Variants in PRKD2 observed in about 807,000 individuals in gnomAD.
The protein encoded by PRKD2 is protein kinase D2, also known as serine/threonine-protein kinase D2.
In PRKD2, 22 loss-of-function variants were observed where a neutral mutation model predicts 86.0. That is an observed-to-expected ratio of 0.26 (90% CI 0.18 to 0.37). The LOEUF (loss-of-function observed/expected upper bound fraction) is 0.37, where lower values mean the gene tolerates loss of function less well. Among genes scored for constraint, PRKD2 ranks in the 10% least tolerant of loss-of-function variants. The probability of loss-of-function intolerance (pLI) is 1.00; values close to 1 mark genes in which losing one functional copy is unlikely to be tolerated. For missense variants in PRKD2, 818 were observed against 1,199.2 expected (o/e 0.68, Z 4.70); for synonymous variants, 509 against 510.9 (o/e 1.00, Z 0.05).
At chr19:46,681,919 C>A (rs2053313875) in intron 14 of PRKD2, among the ~76,000 whole-genome samples, 171 bp from the exon 15 acceptor site, 2 of 151,568 alleles carry the variant, frequency 1.3e-5, no homozygotes, top group Non-Finnish European at 2.9e-5. Context: ...CAGCTCACTG[C>A]AACCCCTACC....
chr19:46,695,346 G>C (rs147304008), intron 9 of PRKD2, among the ~76,000 whole-genome samples: 2 of 152,218 alleles, frequency 1.3e-5, no homozygotes, highest in Non-Finnish European at 2.9e-5. Flanking sequence ...TTAGCCAGGC[G>C]TGGTGGCACA....
intron 1 of PRKD2, chr19:46,714,265 A>C: frequency 8.0e-7 from 1 of 1,244,838 alleles, no homozygotes; most frequent in Non-Finnish European, 1.0e-6. Flanking sequence ...TGGCTCCGGG[A>C]GCGTGGACAC....
chr19:46,704,705 C>G, intron 3 of PRKD2, 56 bp from the exon 4 acceptor site: 1 of 1,537,188 alleles, frequency 6.5e-7, no homozygotes, highest in African/African-American at 1.4e-5. Flanking sequence ...TAGGTCTCTT[C>G]TTGAGAAGTT....
At chr19:46,712,295 C>T (rs57375619) in intron 2 of PRKD2, among the ~76,000 whole-genome samples, 5,565 of 151,336 alleles carry the variant, frequency 0.037, 301 homozygotes, top group African/African-American at 0.13. Context: ...AATCGCAGCA[C>T]TTTGGGAGGC....
In PRKD2 at chr19:46,717,112, T is replaced by C. The variant is rs2053891270; in HGVS notation, c.-742A>G. ...GCGGCGGCGGCGGCCCAGGAGGAAGTGTCCGGAGCGACAGTGCAGTCGACC... is the reference window on the plus strand; with the variant it reads ...GCGGCGGCGGCGGCCCAGGAGGAAGCGTCCGGAGCGACAGTGCAGTCGACC... On this transcript the variant is annotated 5_prime_UTR_variant, in exon 1 of 18. Coordinates refer to ENST00000291281, the MANE Select transcript of PRKD2 (RefSeq NM_016457.5). 2 of 151,286 alleles carry C rather than the reference T, an allele frequency of 1.3e-5. No individual in the cohort carries two copies. The highest frequency in any genetic ancestry group is 3.6e-4 in the South Asian group (2 of 5,552). The allele number at this position is 151,286 out of a possible 1,614,324, so 9.4% of individuals were successfully genotyped here. A position where few individuals can be genotyped will look rare whatever the true frequency, so the allele number is the denominator to read the frequency against.
rs1352472977 is a variant in PRKD2, at chr19:46,674,518, G to T, written c.*5C>A. 1 of 1,608,644 alleles carries T rather than the reference G, an allele frequency of 6.2e-7. No homozygotes were observed. ...AGGGCAGCAGCTGGACGAGGGCACAGGACCTCAGAGAACACTGATGCGCTC... is the reference window on the plus strand; with the variant it reads ...AGGGCAGCAGCTGGACGAGGGCACATGACCTCAGAGAACACTGATGCGCTC... On this transcript the variant is annotated 3_prime_UTR_variant, in exon 18 of 18. Coordinates refer to ENST00000291281, the MANE Select transcript of PRKD2 (RefSeq NM_016457.5).
At position 46,691,628 on chromosome 19, in the gene PRKD2, T is replaced by C. The variant is rs2053484703; in HGVS notation, c.1702+107A>G. On this transcript the variant is annotated intron_variant, in intron 12 of 17. Coordinates refer to ENST00000291281, the MANE Select transcript of PRKD2 (RefSeq NM_016457.5). The stretch of plus-strand genomic sequence containing the variant: ...AGCCAATCAACATGGGAGGTGAGCA[T>C]GTGACCAATCAGAAAGGAAGGGTTG... 9 of 1,103,660 alleles carry C rather than the reference T, an allele frequency of 8.2e-6. No individual in the cohort carries two copies. The South Asian group carries it at 8.7e-5, about 11-fold the overall frequency. 68.4% of individuals were successfully genotyped at this position (1,103,660 alleles called of 1,614,324 possible). A position where few individuals can be genotyped will look rare whatever the true frequency, so the allele number is the denominator to read the frequency against.
At chr19:46,687,147 G>C (rs939720538) in intron 14 of PRKD2, among the ~76,000 whole-genome samples, 2 of 151,898 alleles carry the variant, frequency 1.3e-5, no homozygotes, top group African/African-American at 4.8e-5. Context: ...AGAACTTTGC[G>C]AGGCTGAGGC....
chr19:46,691,298 A>C (rs2053480154), intron 12 of PRKD2, among the ~76,000 whole-genome samples: 1 of 151,974 alleles, frequency 6.6e-6, no homozygotes. Flanking sequence ...CCTCCTATTC[A>C]ATCAGAATCT....
chr19:46,708,972 G>GTTTTTT (rs1363680607), intron 3 of PRKD2, among the ~76,000 whole-genome samples: 4 of 136,366 alleles, frequency 2.9e-5, no homozygotes, highest in Non-Finnish European at 4.7e-5. Context: ...TTTGTTTGTG[G>GTTTTTT]TTTTTTTTTT....
chr19:46,699,870 C>T (rs1401127147), intron 7 of PRKD2, among the ~76,000 whole-genome samples: 6 of 145,068 alleles, frequency 4.1e-5, no homozygotes, highest in African/African-American at 7.7e-5. Flanking sequence ...ATTGCTTGAG[C>T]GCAGAAGTTC....
At chr19:46,680,399 C>T (rs1599810650) in intron 15 of PRKD2, among the ~76,000 whole-genome samples, 1 of 151,962 alleles carries the variant, frequency 6.6e-6, no homozygotes, top group Non-Finnish European at 1.5e-5. Context: ...AGCAATTCTC[C>T]TGCTTCAGCC....
chr19:46,681,759 C>CAGATGGGCCCAGTAAGAAAGGT lies in PRKD2; in HGVS notation c.1972-33_1972-12dup, dbSNP rs1469504489. The CAGATGGGCCCAGTAAGAAAGGT allele has an allele frequency of 6.4e-7, 1 of 1,570,148 alleles. No homozygotes were observed. Among genetic ancestry groups the CAGATGGGCCCAGTAAGAAAGGT allele is most frequent in the African/African-American group, 1.4e-5 (1 of 73,820 alleles). Reference sequence around the variant, plus strand: ...CAAAGCCACCAGGATCTGAGGGGAGCAGATGGGCCCAGTAAGAAAGGTAGA... The same window carrying CAGATGGGCCCAGTAAGAAAGGT: ...CAAAGCCACCAGGATCTGAGGGGAGCAGATGGGCCCAGTAAGAAAGGTAGATGGGCCCAGTAAGAAAGGTAGA... On this transcript the variant is annotated splice_polypyrimidine_tract_variant and intron_variant, in intron 14 of 17. Transcript: ENST00000291281.
intron 15 of PRKD2, among the ~76,000 whole-genome samples, chr19:46,679,618 T>C (rs542879040): frequency 3.3e-5 from 5 of 152,068 alleles, no homozygotes; most frequent in African/African-American, 1.2e-4. Context: ...TATGCCTACC[T>C]TTCCTTCATT....
chr19:46,707,741 G>A (rs561629150), intron 3 of PRKD2, among the ~76,000 whole-genome samples: 2 of 152,292 alleles, frequency 1.3e-5, no homozygotes, highest in Non-Finnish European at 1.5e-5. Context: ...GAATAACAGG[G>A]ACAGAGGACC....
At position 46,680,924 on chromosome 19, in the gene PRKD2, C is replaced by CTATATATATATATATA. The variant is rs1159306440; in HGVS notation, c.2070+710_2070+725dup. ...ATAAAGTGCTATATGTTGGGATAAACTATATATATATATATATATATATTT... is the reference window on the plus strand; with the variant it reads ...ATAAAGTGCTATATGTTGGGATAAACTATATATATATATATATATATATATATATATATATATATTT... On this transcript the variant is annotated intron_variant, in intron 15 of 17. Coordinates refer to ENST00000291281, the MANE Select transcript of PRKD2 (RefSeq NM_016457.5). 1.8e-3 allele frequency among the ~76,000 whole-genome samples: 129 copies of CTATATATATATATATA among 72,372 alleles called. 8 individuals carry two copies. Among genetic ancestry groups the CTATATATATATATATA allele is most frequent in the African/African-American group, 3.3e-3 (71 of 21,440 alleles). 47.5% of individuals were successfully genotyped at this position (72,372 alleles called of 152,430 possible). A position where few individuals can be genotyped will look rare whatever the true frequency, so the allele number is the denominator to read the frequency against.
chr19:46,703,958 AACAC>A lies in PRKD2; in HGVS notation c.889+207_889+210del, dbSNP rs10528388. Among the ~76,000 whole-genome samples, 998 of 133,728 alleles carry A rather than the reference AACAC, an allele frequency of 7.5e-3. 6 individuals are homozygous for A. Among genetic ancestry groups the A allele is most frequent in the South Asian group, 0.016 (64 of 3,938 alleles). 87.7% of individuals were successfully genotyped at this position (133,728 alleles called of 152,430 possible). On this transcript the variant is annotated intron_variant, in intron 5 of 17. Transcript: ENST00000291281. ...CACCCTGTCTCCAAAAAACAACAAC[AACAC>A]ACACACACACACACACACACACACA...
rs2053455185 is a variant in PRKD2 at position 46,689,677 on chromosome 19, C to T, written c.1831G>A (p.Val611Met). 4 of 1,614,066 alleles carry T rather than the reference C, an allele frequency of 2.5e-6. No homozygotes were observed. Among genetic ancestry groups the T allele is most frequent in the South Asian group, 1.1e-5 (1 of 91,088 alleles). ...ILQSLRHPGI[V>M]NLECMFETPE... ...GTCTCGAACATGCACTCCAGGTTCA[C>T]GATCCCGGGATGCCGCAGGCTCTGC... is the stretch of plus-strand genomic sequence containing the variant. The change falls in exon 14 of 18, where the codon GTG becomes ATG. Residue 611 changes from valine (V) to methionine (M), a missense_variant. Physicochemically the swap from Val to Met is conservative, Grantham distance 21. Transcript: ENST00000291281.
At chr19:46,697,445 C>G in intron 8 of PRKD2, 1 of 593,262 alleles carries the variant, frequency 1.7e-6, no homozygotes, top group Non-Finnish European at 3.0e-6. Flanking sequence ...CGCCCTAACC[C>G]CAGACTCGCC....
Sources: gnomAD v4.1 joint callset for allele counts (sites outside exome capture counted in the v4.1 genomes callset) on GRCh38, gnomAD v4.1.1 for gene constraint, MANE v1.5 for transcripts, NCBI Gene and HGNC (gene_info 2026-07-23, HGNC 2026-07-21) for gene names.